PIGK: variants seen among roughly 807,000 people sequenced by gnomAD.
PIGK encodes the protein phosphatidylinositol glycan anchor biosynthesis class K.
In PIGK, 42 loss-of-function variants were observed where a neutral mutation model predicts 50.6. That is an observed-to-expected ratio of 0.83 (90% CI 0.65 to 1.07). PIGK has a LOEUF of 1.07. PIGK is among the 50% of genes least tolerant of loss of function. The pLI is 0.00. For missense variants in PIGK, 448 were observed against 488.7 expected (o/e 0.92, Z 0.78); for synonymous variants, 151 against 156.0 (o/e 0.97, Z 0.24).
Position 77,166,952 on chromosome 1 carries a change from A to T in PIGK, c.376-122T>A, listed in dbSNP as rs193095539. 3.5e-4 allele frequency: 206 copies of T among 596,642 alleles called. 1 individual carries two copies. The African/African-American group carries it at 3.5e-3, about 10-fold the overall frequency. 37.0% of individuals were successfully genotyped at this position (596,642 alleles called of 1,614,324 possible). A position where few individuals can be genotyped will look rare whatever the true frequency, so the allele number is the denominator to read the frequency against. ...CATATATTACTCAGCACCAACTGAAAATAAAACACCCAAAAATTATATAAC... is the reference window on the plus strand; with the variant it reads ...CATATATTACTCAGCACCAACTGAATATAAAACACCCAAAAATTATATAAC... On this transcript the variant is annotated intron_variant, in intron 4 of 10. Coordinates refer to ENST00000370812, the MANE Select transcript of PIGK (RefSeq NM_005482.3).
At chr1:77,142,304 A>G (rs896851933) in intron 9 of PIGK, among the ~76,000 whole-genome samples, 1 of 152,152 alleles carries the variant, frequency 6.6e-6, no homozygotes, top group African/African-American at 2.4e-5. Flanking sequence ...TGCTCATTGT[A>G]TCTCTTGCAC....
chr1:77,140,288 C>G (rs1188729855), intron 9 of PIGK, among the ~76,000 whole-genome samples: 1 of 151,938 alleles, frequency 6.6e-6, no homozygotes, highest in African/African-American at 2.4e-5. Context: ...CAAACCCTTG[C>G]CTTCCTCCCT....
intron 9 of PIGK, among the ~76,000 whole-genome samples, chr1:77,124,312 T>TA (rs934765836): frequency 1.3e-5 from 2 of 152,022 alleles, no homozygotes; most frequent in African/African-American, 4.8e-5. Flanking sequence ...ACATTATGTA[T>TA]AAAAAACACA....
chr1:77,182,374 T>A (rs1016096603), intron 3 of PIGK, among the ~76,000 whole-genome samples: 1 of 152,202 alleles, frequency 6.6e-6, no homozygotes, highest in East Asian at 1.9e-4. Context: ...CTAGCCATAC[T>A]GGCAGCTGCT....
At chr1:77,157,674 A>C (rs894385342) in intron 8 of PIGK, among the ~76,000 whole-genome samples, 1 of 152,212 alleles carries the variant, frequency 6.6e-6, no homozygotes, top group African/African-American at 2.4e-5. Context: ...CAACATATAT[A>C]ATCTTCAAAA....
At chr1:77,167,778 C>A (rs1468537078) in intron 4 of PIGK, among the ~76,000 whole-genome samples, 12 of 152,192 alleles carry the variant, frequency 7.9e-5, no homozygotes, top group Admixed American at 6.5e-4. Context: ...ATTAATCCCT[C>A]TGCATAGGCA....
rs1653285999 is a variant in PIGK at position 77,091,069 on chromosome 1, A to G, written c.*1305T>C. 1 of 152,198 alleles carries G rather than the reference A, an allele frequency of 6.6e-6. No homozygotes were observed. Among genetic ancestry groups the G allele is most frequent in the Non-Finnish European group, 1.5e-5 (1 of 68,028 alleles). 9.4% of individuals were successfully genotyped at this position (152,198 alleles called of 1,614,324 possible). On this transcript the variant is annotated 3_prime_UTR_variant, in exon 11 of 11. Transcript: ENST00000370812. ...AGTTGTCTTAATGTTACCTACAATT[A>G]TAAACAAAATTTAAAAAAAAATCTT...
At chr1:77,095,020 A>G (rs148428815) in intron 10 of PIGK, among the ~76,000 whole-genome samples, 1 of 152,350 alleles carries the variant, frequency 6.6e-6, no homozygotes, top group East Asian at 1.9e-4. Context: ...ATAAGCTACC[A>G]AAAGCAGCAA....
chr1:77,108,302 C>T (rs1046473079), intron 10 of PIGK, among the ~76,000 whole-genome samples: 1 of 152,182 alleles, frequency 6.6e-6, no homozygotes, highest in East Asian at 1.9e-4. Flanking sequence ...CAAAATCTCT[C>T]AGCATTTGCT....
intron 3 of PIGK, among the ~76,000 whole-genome samples, chr1:77,190,489 A>G (rs1002580723): frequency 1.1e-4 from 16 of 152,330 alleles, no homozygotes; most frequent in African/African-American, 3.8e-4. Context: ...GGTTAGATAC[A>G]TGACCTCATC....
At chr1:77,154,764 T>G (rs1654972778) in intron 8 of PIGK, 143 bp from the exon 9 acceptor site, 5 of 609,166 alleles carry the variant, frequency 8.2e-6, no homozygotes, top group Non-Finnish European at 1.1e-5. Flanking sequence ...ACCTTAAAGA[T>G]TAAAGTTTCA....
Position 77,108,525 on chromosome 1 carries a change from T to C in PIGK, c.1071+13750A>G, listed in dbSNP as rs184985224. 2.1e-3 allele frequency among the ~76,000 whole-genome samples: 314 copies of C among 146,584 alleles called. 5 individuals carry two copies. In the East Asian group the frequency reaches 0.044, roughly 21 times the overall value. On this transcript the variant is annotated intron_variant, in intron 10 of 10. Transcript: ENST00000370812. Reference sequence around the variant, plus strand: ...TTTCTCTCTGGCTGCCCTTAACATTTTTTCCTTCATTTCAACTTTGGTGAA... The same window carrying C: ...TTTCTCTCTGGCTGCCCTTAACATTCTTTCCTTCATTTCAACTTTGGTGAA...
chr1:77,135,584 AT>A (rs1654490345), intron 9 of PIGK, among the ~76,000 whole-genome samples: 1 of 151,976 alleles, frequency 6.6e-6, no homozygotes, highest in African/African-American at 2.4e-5. Context: ...TTATTCACTT[AT>A]TTAAAATGTG....
At chr1:77,110,735 G>A (rs977638468) in intron 10 of PIGK, among the ~76,000 whole-genome samples, 13 of 152,236 alleles carry the variant, frequency 8.5e-5, no homozygotes, top group African/African-American at 2.4e-4. Context: ...AAAAGCAATG[G>A]CAACAAAAGC....
chr1:77,186,669 TC>T (rs1655754407), intron 3 of PIGK, among the ~76,000 whole-genome samples: 1 of 152,142 alleles, frequency 6.6e-6, no homozygotes, highest in Non-Finnish European at 1.5e-5. Context: ...TCAGCCTGTT[TC>T]CCCAGTCACC....
At chr1:77,092,934 T>C (rs1653331911) in intron 10 of PIGK, among the ~76,000 whole-genome samples, 1 of 152,100 alleles carries the variant, frequency 6.6e-6, no homozygotes, top group Non-Finnish European at 1.5e-5. Context: ...CATTCATATA[T>C]CATAGTGAGT....
At chr1:77,173,984 G>A (rs1655423913) in intron 3 of PIGK, among the ~76,000 whole-genome samples, 1 of 152,230 alleles carries the variant, frequency 6.6e-6, no homozygotes, top group African/African-American at 2.4e-5. Context: ...GCAGTTAAAA[G>A]CCTTTGCAAA....
chr1:77,196,546 G>T (rs1365837402), intron 3 of PIGK, among the ~76,000 whole-genome samples: 1 of 152,104 alleles, frequency 6.6e-6, no homozygotes, highest in African/African-American at 2.4e-5. Context: ...CTGTGGTTTT[G>T]ATTTGCATTT....
intron 8 of PIGK, among the ~76,000 whole-genome samples, chr1:77,155,435 G>T (rs1654986267): frequency 6.6e-6 from 1 of 152,124 alleles, no homozygotes; most frequent in African/African-American, 2.4e-5. Flanking sequence ...TTTCCACAGA[G>T]GATACAAAGA....
Sources: allele counts gnomAD v4.1 joint callset (sites outside exome capture counted in the v4.1 genomes callset), GRCh38; gene constraint gnomAD v4.1.1; transcripts MANE v1.5; gene names NCBI Gene and HGNC (gene_info 2026-07-23, HGNC 2026-07-21).